Variants in PROC observed in about 807,000 individuals in gnomAD.
PROC encodes the protein vitamin K-dependent protein C.
PROC carries 22 observed loss-of-function variants against 36.3 expected under a neutral mutation model. The observed-to-expected ratio is 0.61, with a 90% CI of 0.43 to 0.86. The LOEUF is 0.86. Among genes scored for constraint, PROC ranks in the 40% least tolerant of loss-of-function variants. The pLI, the probability that PROC is intolerant of heterozygous loss-of-function variation, is 0.00. For missense variants in PROC, 526 were observed against 629.7 expected, an observed-to-expected ratio of 0.84 and a Z score of 1.76; for synonymous variants, 218 against 244.5, an observed-to-expected ratio of 0.89 and a Z score of 1.01.
intron 8 of PROC, among the ~76,000 whole-genome samples, 169 bp downstream of exon 8, chr2:127,427,391 A>G (rs556748170): frequency 5.4e-4 from 50 of 92,510 alleles, no homozygotes; most frequent in Non-Finnish European, 9.6e-4. Context: ...CACCCTGCCC[A>G]CCCATGTACA....
chr2:127,428,559 C>T lies in PROC; in HGVS notation c.999C>T (p.Ala333=), dbSNP rs765115028. 5.6e-6 allele frequency: 9 copies of T among 1,613,780 alleles called. No individual in the cohort carries two copies. Among genetic ancestry groups the T allele is most frequent in the East Asian group, 2.2e-5 (1 of 44,900 alleles). The change falls in exon 9 of 9, where the codon GCC becomes GCT. Residue 333 remains alanine, a synonymous_variant. Coordinates refer to ENST00000234071, the MANE Select transcript of PROC (RefSeq NM_000312.4). The part of the protein sequence containing the change: ...SGLAERELNQ[A]GQETLVTGWG... ...TTGCAGAGCGCGAGCTCAATCAGGC[C>T]GGCCAGGAGACCCTCGTGACGGGCT... is the stretch of plus-strand genomic sequence containing the variant.
chr2:127,427,456 GTA>G (rs1688587865), intron 8 of PROC, among the ~76,000 whole-genome samples: 1 of 151,224 alleles, frequency 6.6e-6, no homozygotes, highest in Non-Finnish European at 1.5e-5. Context: ...CTGGGCACAG[GTA>G]CCTGCACACA....
At position 127,426,115 on chromosome 2, in the gene PROC, G is replaced by T. The variant is rs1270397879; in HGVS notation, c.566G>T (p.Arg189Leu). 1.2e-6 allele frequency: 2 copies of T among 1,613,960 alleles called. No individual in the cohort carries two copies. Among genetic ancestry groups the T allele is most frequent in the African/African-American group, 1.3e-5 (1 of 74,912 alleles). The change falls in exon 7 of 9, where the codon CGG becomes CTG. Residue 189 changes from arginine (R) to leucine (L), a missense_variant. Coordinates refer to ENST00000234071, the MANE Select transcript of PROC (RefSeq NM_000312.4). The surrounding 1 kb of genome is among the most constrained non-coding windows in gnomAD (Gnocchi z 7.0). The stretch of plus-strand genomic sequence containing the variant: ...TTCCCTTGTGGGAGGCCCTGGAAGC[G>T]GATGGAGAAGAAGCGCAGTCACCTG... ...VKFPCGRPWK[R>L]MEKKRSHLKR...
In PROC at chr2:127,429,133, G is replaced by C; in HGVS notation, c.*187G>C. 1 of 687,054 alleles carries C rather than the reference G, an allele frequency of 1.5e-6. No individual in the cohort carries two copies. The highest frequency in any genetic ancestry group is 3.9e-4 in the Middle Eastern group (1 of 2,546). The allele number at this position is 687,054 out of a possible 1,614,324, so 42.6% of individuals were successfully genotyped here. On this transcript the variant is annotated 3_prime_UTR_variant, in exon 9 of 9. Coordinates refer to ENST00000234071, the MANE Select transcript of PROC (RefSeq NM_000312.4). ...TATGAATAGAATCTTAACTCCTAGA[G>C]CAACTCTGTGGGGTGGGGAGGAGCA...
At position 127,418,561 on chromosome 2, in the gene PROC, G is replaced by T; in HGVS notation, c.-22+69G>T. 1.6e-6 allele frequency: 2 copies of T among 1,251,868 alleles called. No homozygotes were observed. Among genetic ancestry groups the T allele is most frequent in the African/African-American group, 1.5e-5 (1 of 65,112 alleles). The allele number at this position is 1,251,868 out of a possible 1,614,324, so 77.5% of individuals were successfully genotyped here. A position where few individuals can be genotyped will look rare whatever the true frequency, so the allele number is the denominator to read the frequency against. On this transcript the variant is annotated intron_variant, in intron 1 of 8. Coordinates refer to ENST00000234071, the MANE Select transcript of PROC (RefSeq NM_000312.4). This position sits in a 1 kb window ranked among gnomAD's most constrained non-coding sequence, Gnocchi z 4.8. Reference sequence around the variant, plus strand: ...GGCTGCCCCCGGGAGAAGAGAGCTAGGTGGTGATGAGGGCTGAATCCTCCA... The same window carrying T: ...GGCTGCCCCCGGGAGAAGAGAGCTATGTGGTGATGAGGGCTGAATCCTCCA...
intron 6 of PROC, among the ~76,000 whole-genome samples, chr2:127,424,314 C>T (rs899714687): frequency 4.6e-5 from 7 of 152,156 alleles, no homozygotes; most frequent in Admixed American, 2.0e-4. Flanking sequence ...ATTCTCCTGC[C>T]GCAGCCTCCC....
intron 6 of PROC, among the ~76,000 whole-genome samples, 158 bp from the exon 7 acceptor site, chr2:127,425,927 G>A (rs1241608419): frequency 6.6e-6 from 1 of 152,230 alleles, no homozygotes; most frequent in Non-Finnish European, 1.5e-5. Context: ...TGACTGGAGG[G>A]GGTTCATAGC....
rs1688719525 is a variant in PROC at position 127,429,008 on chromosome 2, A to T, written c.*62A>T. ...TGGATGGGACATTAAAGGGACATGT[A>T]ACAAGCACACCGGCCTGCTGTTCTG... On this transcript the variant is annotated 3_prime_UTR_variant, in exon 9 of 9. Coordinates refer to ENST00000234071, the MANE Select transcript of PROC (RefSeq NM_000312.4). 1 of 1,568,214 alleles carries T rather than the reference A, an allele frequency of 6.4e-7. No homozygotes were observed. The highest frequency in any genetic ancestry group is 1.4e-5 in the African/African-American group (1 of 73,916).
At position 127,418,530 on chromosome 2, in the gene PROC, A is replaced by G. The variant is rs1687894007; in HGVS notation, c.-22+38A>G. The G allele has an allele frequency of 1.6e-6, 2 of 1,287,404 alleles. No individual in the cohort carries two copies. The highest frequency in any genetic ancestry group is 1.0e-6 in the Non-Finnish European group (1 of 986,878). 79.7% of individuals were successfully genotyped at this position (1,287,404 alleles called of 1,614,324 possible). The stretch of plus-strand genomic sequence containing the variant: ...CCAGGCAGGTCTATGAGGGGTGTGG[A>G]GGGAGGGCTGCCCCCGGGAGAAGAG... On this transcript the variant is annotated intron_variant, in intron 1 of 8. Coordinates refer to ENST00000234071, the MANE Select transcript of PROC (RefSeq NM_000312.4). The surrounding 1 kb of genome is among the most constrained non-coding windows in gnomAD (Gnocchi z 4.8).
chr2:127,419,736 C>T, intron 1 of PROC, 186 bp from the exon 2 acceptor site: 6 of 1,371,406 alleles, frequency 4.4e-6, no homozygotes, highest in Non-Finnish European at 5.9e-6. Context: ...GTGAGCTCAG[C>T]CCCACGTAGA....
intron 6 of PROC, among the ~76,000 whole-genome samples, chr2:127,425,520 C>T (rs1211527872): frequency 6.6e-6 from 1 of 152,190 alleles, no homozygotes; most frequent in Non-Finnish European, 1.5e-5. Context: ...CAAGAATGCT[C>T]ACCTCCTTCT....
rs1158867 is a variant in PROC at position 127,419,801 on chromosome 2, C to T, written c.-21-121C>T. On this transcript the variant is annotated intron_variant, in intron 1 of 8. Transcript: ENST00000234071. Reference sequence around the variant, plus strand: ...TCTCTAGCGAACAAGGACCCTCAATCCCAGCTTCCGCCCTGACGGCCAGCA... The same window carrying T: ...TCTCTAGCGAACAAGGACCCTCAATTCCAGCTTCCGCCCTGACGGCCAGCA... 0.57 allele frequency: 889,386 copies of T among 1,552,480 alleles called. 260,741 individuals are homozygous for T. Among genetic ancestry groups the T allele is most frequent in the East Asian group, 0.86 (35,378 of 41,282 alleles).
chr2:127,426,392 A>AG lies in PROC; in HGVS notation c.678+169dup, dbSNP rs1688501861. 2 of 710,046 alleles carry AG rather than the reference A, an allele frequency of 2.8e-6. No individual in the cohort carries two copies. Among genetic ancestry groups the AG allele is most frequent in the African/African-American group, 4.2e-5 (2 of 47,818 alleles). The allele number at this position is 710,046 out of a possible 1,614,324, so 44.0% of individuals were successfully genotyped here. Reference sequence around the variant, plus strand: ...TTCAGGGAAAGATGGACGCAACCTGAGGGGAGAGGAGCAGCCAGGGTGGGT... The same window carrying AG: ...TTCAGGGAAAGATGGACGCAACCTGAGGGGGAGAGGAGCAGCCAGGGTGGGT... On this transcript the variant is annotated intron_variant, in intron 7 of 8. Coordinates refer to ENST00000234071, the MANE Select transcript of PROC (RefSeq NM_000312.4). This position sits in a 1 kb window ranked among gnomAD's most constrained non-coding sequence, Gnocchi z 7.0.
intron 8 of PROC, 152 bp downstream of exon 8, chr2:127,427,374 G>C (rs946600458): frequency 5.5e-5 from 38 of 695,654 alleles, no homozygotes; most frequent in Admixed American, 1.1e-4. Flanking sequence ...AGAGGCCTAT[G>C]TGCCCCCACC....
chr2:127,420,427 T>C (rs113527505), intron 2 of PROC, among the ~76,000 whole-genome samples: 1 of 151,994 alleles, frequency 6.6e-6, no homozygotes, highest in Non-Finnish European at 1.5e-5. Context: ...CCTTTCCTGG[T>C]CTCCACAGCC....
chr2:127,425,357 GCT>G (rs1158205237), intron 6 of PROC, among the ~76,000 whole-genome samples: 1 of 152,180 alleles, frequency 6.6e-6, no homozygotes, highest in East Asian at 1.9e-4. Flanking sequence ...ACGTCCCATT[GCT>G]CTTTTAAGTC....
Position 127,428,723 on chromosome 2 carries a change from C to T in PROC, c.1163C>T (p.Ala388Val), listed in dbSNP as rs769277939. Residue 388 changes from alanine to valine, a missense_variant, in exon 9 of 9, where the codon GCG becomes GTG. Ala to Val is a moderately conservative substitution (Grantham distance 64). Transcript: ENST00000234071. The stretch of plus-strand genomic sequence containing the variant: ...ATGGTGTCTGAGAACATGCTGTGTG[C>T]GGGCATCCTCGGGGACCGGCAGGAT... ...SNMVSENMLCAGILGDRQDAC... is the reference protein window; with the variant it reads ...SNMVSENMLCVGILGDRQDAC... The T allele has an allele frequency of 2.5e-6, 4 of 1,613,634 alleles. No individual in the cohort carries two copies. The highest frequency in any genetic ancestry group is 2.5e-6 in the Non-Finnish European group (3 of 1,180,022).
intron 6 of PROC, among the ~76,000 whole-genome samples, chr2:127,425,572 CATTAT>C (rs893359738): frequency 1.3e-5 from 2 of 152,228 alleles, no homozygotes; most frequent in African/African-American, 4.8e-5. Flanking sequence ...AGCAGCATCC[CATTAT>C]GAGACCTTAC....
In PROC at chr2:127,428,558, C is replaced by T; in HGVS notation, c.998C>T (p.Ala333Val). 1.2e-6 allele frequency: 2 copies of T among 1,613,896 alleles called. No individual in the cohort carries two copies. The highest frequency in any genetic ancestry group is 2.2e-5 in the South Asian group (2 of 91,084). ...CTTGCAGAGCGCGAGCTCAATCAGG[C>T]CGGCCAGGAGACCCTCGTGACGGGC... ...SGLAERELNQ[A>V]GQETLVTGWG... Residue 333 changes from alanine to valine, a missense_variant, in exon 9 of 9, where the codon GCC becomes GTC. Physicochemically the swap from Ala to Val is moderately conservative, Grantham distance 64. Transcript: ENST00000234071.
Sources: allele counts gnomAD v4.1 joint callset (sites outside exome capture counted in the v4.1 genomes callset), GRCh38; gene constraint gnomAD v4.1.1; non-coding constraint Gnocchi (gnomAD v3.1); transcripts MANE v1.5; gene names NCBI Gene and HGNC (gene_info 2026-07-23, HGNC 2026-07-21).